NCAPG: variants seen among roughly 807,000 people sequenced by gnomAD.
NCAPG encodes the protein non-SMC condensin I complex subunit G.
In NCAPG, 69 loss-of-function variants were observed where a neutral mutation model predicts 113.1. That is an observed-to-expected ratio of 0.61 (90% CI 0.50 to 0.75). NCAPG has a LOEUF of 0.75. NCAPG is among the 30% of genes least tolerant of loss of function. NCAPG has a pLI of 0.00. For missense variants in NCAPG, 1,058 were observed against 1,177.0 expected, an observed-to-expected ratio of 0.90 and a Z score of 1.48; for synonymous variants, 370 against 415.8, an observed-to-expected ratio of 0.89 and a Z score of 1.34.
rs1720916832 is a variant in NCAPG at position 17,811,195 on chromosome 4, G to C, written c.111+7G>C. 1 of 1,459,938 alleles carries C rather than the reference G, an allele frequency of 6.8e-7. No individual in the cohort carries two copies. Among genetic ancestry groups the C allele is most frequent in the South Asian group, 1.3e-5 (1 of 75,686 alleles). The allele number at this position is 1,459,938 out of a possible 1,614,324, so 90.4% of individuals were successfully genotyped here. A position where few individuals can be genotyped will look rare whatever the true frequency, so the allele number is the denominator to read the frequency against. ...GAGCCGCACCTACCGCACGGTAAGC[G>C]CTCCCGGCCCCGGCCGCCGCCTCTC... On this transcript the variant is annotated splice_region_variant and intron_variant, in intron 1 of 20. Coordinates refer to ENST00000251496, the MANE Select transcript of NCAPG (RefSeq NM_022346.5). The surrounding 1 kb of genome is among the most constrained non-coding windows in gnomAD (Gnocchi z 5.3).
intron 1 of NCAPG, 117 bp from the exon 2 acceptor site, chr4:17,812,104 T>A: frequency 1.3e-6 from 1 of 779,006 alleles, no homozygotes; most frequent in Non-Finnish European, 2.0e-6. Flanking sequence ...GTTTACTAAA[T>A]AAATATTTTA....
rs55988372 is a variant in NCAPG, at chr4:17,839,760, A to G, written c.2551A>G (p.Thr851Ala). Residue 851 changes from threonine (T) to alanine (A), a missense_variant, in exon 17 of 21, where the codon ACA (threonine) becomes GCA (alanine). Thr to Ala is a moderately conservative substitution (Grantham distance 58). Transcript: ENST00000251496. ...SPCSPEIRVY[T>A]KALSSLELSS... is the part of the protein sequence containing the mutation. ...GTGCTCGCCAGAAATTCGAGTCTAT[A>G]CAAAAGCCTTGAGTTCTTTAGAACT... The G allele has an allele frequency of 1.1e-3, 1,731 of 1,585,196 alleles. 3 individuals are homozygous for G. Among genetic ancestry groups the G allele is most frequent in the Admixed American group, 2.5e-3 (125 of 49,274 alleles).
chr4:17,828,590 TAC>T (rs1721745086), intron 12 of NCAPG, among the ~76,000 whole-genome samples: 1 of 152,254 alleles, frequency 6.6e-6, no homozygotes, highest in Middle Eastern at 3.4e-3. Flanking sequence ...ATATGTAAAT[TAC>T]AGTCTTTTAC....
chr4:17,837,529 T>G, intron 15 of NCAPG, 98 bp from the exon 16 acceptor site: 1 of 1,388,880 alleles, frequency 7.2e-7, no homozygotes, highest in Non-Finnish European at 9.8e-7. Context: ...GAAAATGCAC[T>G]TAATGAGTGA....
chr4:17,811,303 G>T lies in NCAPG; in HGVS notation c.111+115G>T. The T allele has an allele frequency of 1.7e-6, 1 of 595,384 alleles. No homozygotes were observed. Among genetic ancestry groups the T allele is most frequent in the East Asian group, 3.5e-5 (1 of 28,968 alleles). 36.9% of individuals were successfully genotyped at this position (595,384 alleles called of 1,614,324 possible). A position where few individuals can be genotyped will look rare whatever the true frequency, so the allele number is the denominator to read the frequency against. ...CGTGACTCCAGCCTTGTTCACCTTC[G>T]CGACTCACTTCATAGGGATCTGAGG... is the stretch of plus-strand genomic sequence containing the variant. On this transcript the variant is annotated intron_variant, in intron 1 of 20. Transcript: ENST00000251496. The surrounding 1 kb of genome is among the most constrained non-coding windows in gnomAD (Gnocchi z 5.3).
At chr4:17,812,742 GTATAAAA>G (rs1721049109) in intron 2 of NCAPG, among the ~76,000 whole-genome samples, 168 bp from the exon 3 acceptor site, 1 of 152,122 alleles carries the variant, frequency 6.6e-6, no homozygotes, top group Non-Finnish European at 1.5e-5. Flanking sequence ...TTTTGAGACT[GTATAAAA>G]TATATATATT....
rs1023322842 is a variant in NCAPG, at chr4:17,814,381, C to T, written c.545-472C>T. Among the ~76,000 whole-genome samples the T allele has an allele frequency of 5.3e-5, 8 of 152,040 alleles. No homozygotes were observed. In the South Asian group the frequency reaches 6.2e-4, roughly 12 times the overall value. On this transcript the variant is annotated intron_variant, in intron 3 of 20. Transcript: ENST00000251496. Reference sequence around the variant, plus strand: ...AGCACTTTGGCTCCAACCTGGGCAACATAGTGAGACCTTGTCTCCAAAAAA... The same window carrying T: ...AGCACTTTGGCTCCAACCTGGGCAATATAGTGAGACCTTGTCTCCAAAAAA...
chr4:17,840,736 T>C, intron 19 of NCAPG, 43 bp downstream of exon 19: 1 of 1,254,548 alleles, frequency 8.0e-7, no homozygotes, highest in Non-Finnish European at 1.1e-6. Flanking sequence ...AGTTTTAAAT[T>C]TTATCTTCCA....
At chr4:17,829,162 G>T (rs1023036682) in intron 12 of NCAPG, among the ~76,000 whole-genome samples, 4 of 152,122 alleles carry the variant, frequency 2.6e-5, no homozygotes, top group Non-Finnish European at 5.9e-5. Flanking sequence ...TGAGGCTAAT[G>T]GCTACAGTAT....
At position 17,825,497 on chromosome 4, in the gene NCAPG, A is replaced by G. The variant is rs1553850240; in HGVS notation, c.1589A>G (p.Asp530Gly). 3.1e-6 allele frequency: 5 copies of G among 1,609,762 alleles called. No individual in the cohort carries two copies. Among genetic ancestry groups the G allele is most frequent in the East Asian group, 4.5e-5 (2 of 44,710 alleles). ...AAAGAAGAAATAAAAGCATTAGAAG[A>G]TGCCAGAATAAACCTTTTGAAAGAG... Reference protein sequence around the residue: ...ELKEEIKALEDARINLLKETE... With the variant: ...ELKEEIKALEGARINLLKETE... The change falls in exon 11 of 21, where the codon GAT (aspartate) becomes GGT (glycine). Residue 530 changes from aspartate to glycine, a missense_variant. By Grantham distance (94) the Asp-to-Gly change is moderately conservative. Transcript: ENST00000251496.
rs1484586534 is a variant in NCAPG at position 17,844,128 on chromosome 4, A to AATAAT, written c.*706_*710dup. Reference sequence around the variant, plus strand: ...GCTCGCTATATTTTTGGCATAACAAAATAATATTTATTTACTGTGGATAAT... The same window carrying AATAAT: ...GCTCGCTATATTTTTGGCATAACAAAATAATATAATATTTATTTACTGTGGATAAT... On this transcript the variant is annotated 3_prime_UTR_variant, in exon 21 of 21. Coordinates refer to ENST00000251496, the MANE Select transcript of NCAPG (RefSeq NM_022346.5). 6.6e-6 allele frequency: 1 copy of AATAAT among 151,936 alleles called. No individual in the cohort carries two copies. The highest frequency in any genetic ancestry group is 2.4e-5 in the African/African-American group (1 of 41,420). 9.4% of individuals were successfully genotyped at this position (151,936 alleles called of 1,614,324 possible). A position where few individuals can be genotyped will look rare whatever the true frequency, so the allele number is the denominator to read the frequency against.
Position 17,837,350 on chromosome 4 carries a change from C to A in NCAPG, c.2291+10C>A. ...TTGCTTATGCAAGCAGGTATTGAGTCATACTGATAAATCAAAAATCTGACT... is the reference window on the plus strand; with the variant it reads ...TTGCTTATGCAAGCAGGTATTGAGTAATACTGATAAATCAAAAATCTGACT... On this transcript the variant is annotated intron_variant, in intron 15 of 20. Transcript: ENST00000251496. The A allele has an allele frequency of 6.3e-7, 1 of 1,590,772 alleles. No individual in the cohort carries two copies. Among genetic ancestry groups the A allele is most frequent in the South Asian group, 1.1e-5 (1 of 87,154 alleles).
chr4:17,825,150 C>A, intron 10 of NCAPG, 93 bp downstream of exon 10: 3 of 936,076 alleles, frequency 3.2e-6, no homozygotes, highest in South Asian at 1.6e-5. Context: ...AAATGTTTCT[C>A]ACATAATCAA....
Position 17,826,078 on chromosome 4 carries a change from C to T in NCAPG, c.1653+517C>T, listed in dbSNP as rs537557511. ...TATGTCTAGTAACATTTAAAGCTTGCTTTTCAGTAGTTCGTTTTTTAAAAA... is the reference window on the plus strand; with the variant it reads ...TATGTCTAGTAACATTTAAAGCTTGTTTTTCAGTAGTTCGTTTTTTAAAAA... On this transcript the variant is annotated intron_variant, in intron 11 of 20. Transcript: ENST00000251496. 2.0e-5 allele frequency among the ~76,000 whole-genome samples: 3 copies of T among 152,054 alleles called. No homozygotes were observed. In the East Asian group the frequency reaches 5.8e-4, roughly 29 times the overall value.
intron 12 of NCAPG, among the ~76,000 whole-genome samples, chr4:17,828,841 T>C (rs1220832492): frequency 3.3e-5 from 5 of 152,026 alleles, no homozygotes; most frequent in African/African-American, 1.2e-4. Flanking sequence ...ACTGTAAGAC[T>C]CTAGAACATT....
At position 17,818,102 on chromosome 4, in the gene NCAPG, C is replaced by T; in HGVS notation, c.1118+14C>T. 1 of 1,589,298 alleles carries T rather than the reference C, an allele frequency of 6.3e-7. No individual in the cohort carries two copies. The highest frequency in any genetic ancestry group is 8.5e-7 in the Non-Finnish European group (1 of 1,169,832). The stretch of plus-strand genomic sequence containing the variant: ...CTATTTATTGAGGTAAATTTTTTTT[C>T]TTTTAGTTTGGAGAGTGATTGTGTT... On this transcript the variant is annotated intron_variant, in intron 7 of 20. Coordinates refer to ENST00000251496, the MANE Select transcript of NCAPG (RefSeq NM_022346.5).
intron 7 of NCAPG, among the ~76,000 whole-genome samples, chr4:17,819,122 T>C (rs977433699): frequency 2.6e-5 from 4 of 152,170 alleles, no homozygotes; most frequent in Non-Finnish European, 5.9e-5. Context: ...GAGATCATTA[T>C]ATATTGGTGC....
chr4:17,837,623 A>G lies in NCAPG; in HGVS notation c.2292-4A>G, dbSNP rs751591868. On this transcript the variant is annotated splice_polypyrimidine_tract_variant and splice_region_variant and intron_variant, in intron 15 of 20. Transcript: ENST00000251496. ...CAACATACTTTGAATTTGTTTCTCA[A>G]TAGGACTAATCAGGAATGCTTTGAA... 6.2e-7 allele frequency: 1 copy of G among 1,609,294 alleles called. No individual in the cohort carries two copies. The highest frequency in any genetic ancestry group is 8.5e-7 in the Non-Finnish European group (1 of 1,178,370).
At chr4:17,821,454 C>A (rs939627880) in intron 7 of NCAPG, among the ~76,000 whole-genome samples, 12 of 137,506 alleles carry the variant, frequency 8.7e-5, no homozygotes, top group Non-Finnish European at 1.7e-4. Flanking sequence ...TTGTCACCCC[C>A]GCCTTTTTTT....
Sources: allele counts gnomAD v4.1 joint callset (sites outside exome capture counted in the v4.1 genomes callset), GRCh38; gene constraint gnomAD v4.1.1; non-coding constraint Gnocchi (gnomAD v3.1); transcripts MANE v1.5; gene names NCBI Gene and HGNC (gene_info 2026-07-23, HGNC 2026-07-21).